The following GALNT17 variants were observed in gnomAD, a reference collection of about 807,000 sequenced individuals.
GALNT17 encodes UDP-GalNAc:polypeptide N-acetylgalactosaminyltransferase-like 3.
GALNT17 carries 29 observed loss-of-function variants against 63.7 expected under a neutral mutation model. That is an observed-to-expected ratio of 0.46 (90% CI 0.34 to 0.62). The LOEUF is 0.62. Among genes scored for constraint, GALNT17 ranks in the 20% least tolerant of loss-of-function variants. The pLI is 0.01. For synonymous variants in GALNT17, 305 were observed against 318.3 expected (o/e 0.96, Z 0.45); for missense variants, 603 against 799.6 (o/e 0.75, Z 2.97).
At chr7:71,514,918 T>A (rs1174879954) in intron 5 of GALNT17, among the ~76,000 whole-genome samples, 4 of 152,180 alleles carry the variant, frequency 2.6e-5, no homozygotes, top group Non-Finnish European at 5.9e-5. Flanking sequence ...AATTCAATCA[T>A]GGAGGCAGTT....
At chr7:71,619,966 G>T (rs1168761636) in intron 6 of GALNT17, among the ~76,000 whole-genome samples, 1 of 152,044 alleles carries the variant, frequency 6.6e-6, no homozygotes, top group African/African-American at 2.4e-5. Context: ...ATGTTCATTC[G>T]ATGTCTTGTC....
intron 1 of GALNT17, among the ~76,000 whole-genome samples, chr7:71,181,738 A>G (rs1317936694): frequency 6.6e-6 from 1 of 151,984 alleles, no homozygotes; most frequent in African/African-American, 2.4e-5. Context: ...TTAGCCAGAC[A>G]TGGTGGCACA....
intron 6 of GALNT17, among the ~76,000 whole-genome samples, chr7:71,580,105 A>T (rs919407239): frequency 2.6e-5 from 4 of 152,138 alleles, no homozygotes; most frequent in African/African-American, 7.2e-5. Flanking sequence ...ATAGATTGAT[A>T]GATTATAGAT....
intron 5 of GALNT17, among the ~76,000 whole-genome samples, chr7:71,473,857 G>A (rs185076045): frequency 1.3e-5 from 2 of 152,314 alleles, no homozygotes; most frequent in Admixed American, 1.3e-4. Flanking sequence ...CAGATCCCAA[G>A]AGAGGGTTCT....
intron 1 of GALNT17, among the ~76,000 whole-genome samples, chr7:71,311,945 G>C (rs1791420880): frequency 6.6e-6 from 1 of 152,148 alleles, no homozygotes; most frequent in Non-Finnish European, 1.5e-5. Flanking sequence ...TTGAAGACTG[G>C]TTGAAACAGG....
intron 5 of GALNT17, among the ~76,000 whole-genome samples, chr7:71,460,898 G>T (rs1429078895): frequency 6.6e-6 from 1 of 152,124 alleles, no homozygotes; most frequent in African/African-American, 2.4e-5. Context: ...GGTGGGTTTT[G>T]GCCGGCTTCT....
chr7:71,564,072 C>G (rs1789298121), intron 5 of GALNT17, among the ~76,000 whole-genome samples: 1 of 151,950 alleles, frequency 6.6e-6, no homozygotes, highest in Non-Finnish European at 1.5e-5. Context: ...TCCAGTTAGA[C>G]ATTAGCCACG....
intron 9 of GALNT17, among the ~76,000 whole-genome samples, chr7:71,701,052 A>G (rs1791623943): frequency 6.6e-6 from 1 of 152,194 alleles, no homozygotes. Flanking sequence ...GAGCCAAACA[A>G]CAAACTGGGT....
chr7:71,217,081 A>G lies in GALNT17; in HGVS notation c.238+84041A>G, dbSNP rs1789495391. ...TCAGCTCCAGTGATCCTCCCACTTC[A>G]GCCTCCTGAGTAGCTGGGACTATGG... On this transcript the variant is annotated intron_variant, in intron 1 of 10. Transcript: ENST00000333538. Among the ~76,000 whole-genome samples the G allele has an allele frequency of 2.0e-5, 3 of 151,080 alleles. No individual in the cohort carries two copies. The South Asian group carries it at 6.3e-4, about 32-fold the overall frequency.
At chr7:71,470,030 G>A (rs573358687) in intron 5 of GALNT17, among the ~76,000 whole-genome samples, 568 of 152,270 alleles carry the variant, frequency 3.7e-3, no homozygotes, top group Non-Finnish European at 6.9e-3. Flanking sequence ...CCAACATGGT[G>A]AAACCCTGTC....
At chr7:71,567,317 T>C (rs1431311854) in intron 5 of GALNT17, among the ~76,000 whole-genome samples, 1 of 152,164 alleles carries the variant, frequency 6.6e-6, no homozygotes, top group Non-Finnish European at 1.5e-5. Context: ...TAAGTGTGAT[T>C]GGCATGCGAT....
intron 1 of GALNT17, among the ~76,000 whole-genome samples, chr7:71,305,869 C>A (rs1232548677): frequency 1.3e-5 from 2 of 152,162 alleles, no homozygotes; most frequent in Non-Finnish European, 2.9e-5. Context: ...AATCCAGGTA[C>A]CGTGGAAAGC....
intron 1 of GALNT17, among the ~76,000 whole-genome samples, chr7:71,250,574 T>C (rs1790179858): frequency 6.6e-6 from 1 of 152,206 alleles, no homozygotes; most frequent in Admixed American, 6.6e-5. Context: ...AAACCCTTCT[T>C]TTATTTCAGT....
chr7:71,660,844 A>C (rs1457381462), intron 6 of GALNT17, among the ~76,000 whole-genome samples: 1 of 152,134 alleles, frequency 6.6e-6, no homozygotes, highest in Non-Finnish European at 1.5e-5. Context: ...TCAGCTCATC[A>C]TCACTTAGAG....
intron 2 of GALNT17, among the ~76,000 whole-genome samples, chr7:71,347,732 G>T (rs186383489): frequency 1.1e-4 from 17 of 152,082 alleles, no homozygotes; most frequent in African/African-American, 3.4e-4. Context: ...CCCAGGCCTG[G>T]ATCAGAGGGG....
At chr7:71,441,230 C>G (rs918221915) in intron 5 of GALNT17, among the ~76,000 whole-genome samples, 6 of 152,074 alleles carry the variant, frequency 3.9e-5, no homozygotes, top group African/African-American at 7.2e-5. Context: ...ATCATGTTGG[C>G]CAGTCTGATC....
At chr7:71,540,164 A>T (rs996267637) in intron 5 of GALNT17, among the ~76,000 whole-genome samples, 2 of 114,828 alleles carry the variant, frequency 1.7e-5, no homozygotes, top group African/African-American at 6.8e-5. Context: ...GCTGGAGTGC[A>T]GTGGTGGGAT....
intron 6 of GALNT17, among the ~76,000 whole-genome samples, chr7:71,580,219 A>G (rs1789611665): frequency 6.6e-6 from 1 of 151,802 alleles, no homozygotes. Context: ...ATGGATAGAT[A>G]GAGATGATAG....
chr7:71,613,144 A>G (rs1216340338), intron 6 of GALNT17, among the ~76,000 whole-genome samples: 2 of 152,232 alleles, frequency 1.3e-5, no homozygotes, highest in African/African-American at 2.4e-5. Context: ...AAAATACAGC[A>G]TGTTCAGAAA....
Sources: allele counts gnomAD v4.1 joint callset (sites outside exome capture counted in the v4.1 genomes callset), GRCh38; gene constraint gnomAD v4.1.1; transcripts MANE v1.5; gene names NCBI Gene and HGNC (gene_info 2026-07-23, HGNC 2026-07-21).